Variants in NEBL observed in about 807,000 individuals in gnomAD.
NEBL encodes nebulette.
A neutral mutation model predicts 140.2 loss-of-function variants in NEBL; 122 were observed. The ratio of observed to expected loss-of-function variants is 0.87; its 90% CI spans 0.75 to 1.01. The LOEUF is 1.01. Among genes scored for constraint, NEBL ranks in the 50% least tolerant of loss-of-function variants. The pLI, the probability that NEBL is intolerant of heterozygous loss-of-function variation, is 0.00. For missense variants in NEBL, 1,365 were observed against 1,231.3 expected, an observed-to-expected ratio of 1.11 and a Z score of -1.62; for synonymous variants, 436 against 398.9, an observed-to-expected ratio of 1.09 and a Z score of -1.11.
At chr10:20,857,567 A>T (rs533840408) in intron 9 of NEBL, among the ~76,000 whole-genome samples, 1 of 152,316 alleles carries the variant, frequency 6.6e-6, no homozygotes, top group African/African-American at 2.4e-5. Context: ...AATGGAGCCA[A>T]ATGTGTCTTA....
chr10:21,168,650 T>C (rs1282813915), intron 2 of NEBL, among the ~76,000 whole-genome samples: 5 of 152,174 alleles, frequency 3.3e-5, no homozygotes, highest in African/African-American at 1.2e-4. Flanking sequence ...AAAAGCTCTA[T>C]GATTCTTGAA....
intron 3 of NEBL, among the ~76,000 whole-genome samples, chr10:21,223,904 T>C (rs1680005182): frequency 6.6e-6 from 1 of 152,202 alleles, no homozygotes; most frequent in Non-Finnish European, 1.5e-5. Flanking sequence ...TCCTATTGTT[T>C]TGAGCTCCTT....
At chr10:20,788,010 T>G (rs1435855335) in intron 26 of NEBL, among the ~76,000 whole-genome samples, 2 of 152,172 alleles carry the variant, frequency 1.3e-5, no homozygotes, top group Admixed American at 1.3e-4. Flanking sequence ...TAAAAAAGTA[T>G]CAAAATAGTA....
At chr10:20,957,465 A>G (rs560422267) in intron 4 of NEBL, among the ~76,000 whole-genome samples, 10 of 152,174 alleles carry the variant, frequency 6.6e-5, no homozygotes, top group Non-Finnish European at 1.5e-4. Context: ...AAGTGGTAGC[A>G]AAAAAGGATA....
At chr10:20,876,609 C>T (rs1845525714) in intron 5 of NEBL, among the ~76,000 whole-genome samples, 1 of 152,124 alleles carries the variant, frequency 6.6e-6, no homozygotes, top group Non-Finnish European at 1.5e-5. Context: ...TTTCATTTCC[C>T]ACGCTGAATA....
intron 3 of NEBL, among the ~76,000 whole-genome samples, chr10:21,012,336 T>G (rs937201016): frequency 4.6e-5 from 7 of 151,910 alleles, no homozygotes; most frequent in African/African-American, 1.7e-4. Context: ...GAAAAATGCA[T>G]TGATTGTGTA....
chr10:21,173,674 A>G lies in NEBL; in HGVS notation c.69+91T>C. The stretch of plus-strand genomic sequence containing the variant: ...CACACGCACACGCACCGACCCACTC[A>G]TTGCTTTCCATCCCAGGTGCCAAAA... On this transcript the variant is annotated intron_variant, in intron 1 of 6. Coordinates refer to the NEBL transcript ENST00000417816. The surrounding 1 kb of genome is among the most constrained non-coding windows in gnomAD (Gnocchi z 5.7). 1 of 1,596,486 alleles carries G rather than the reference A, an allele frequency of 6.3e-7. No individual in the cohort carries two copies. Among genetic ancestry groups the G allele is most frequent in the Admixed American group, 1.7e-5 (1 of 59,676 alleles).
chr10:21,272,190 C>A (rs974953160), intron 1 of NEBL, among the ~76,000 whole-genome samples: 1 of 135,752 alleles, frequency 7.4e-6, no homozygotes, highest in Non-Finnish European at 1.5e-5. Flanking sequence ...TGGTCTCGAT[C>A]TCCTGACCTC....
In NEBL at chr10:20,819,429, TC is replaced by T. The variant is rs1564352488; in HGVS notation, c.2049del (p.Ser684ValfsTer3). ...IERVRRNQEQ[L>X]SAVKYKGELQ... ...AGGAAACAGAAACGACTTGCCGCAC[TC>T]AGCTGCTCCTGGTTTCGCCTCACTC... On this transcript the variant is annotated frameshift_variant, in exon 20 of 28. Coordinates refer to ENST00000377122, the MANE Select transcript of NEBL (RefSeq NM_006393.3). LOFTEE classifies it high-confidence loss of function. The T allele has an allele frequency of 6.2e-7, 1 of 1,614,114 alleles. No individual in the cohort carries two copies. Among genetic ancestry groups the T allele is most frequent in the Non-Finnish European group, 8.5e-7 (1 of 1,179,998 alleles).
Position 20,831,568 on chromosome 10 carries a change from C to A in NEBL, c.1465G>T (p.Asp489Tyr), listed in dbSNP as rs1342628481. 3.7e-6 allele frequency: 6 copies of A among 1,605,656 alleles called. No homozygotes were observed. The highest frequency in any genetic ancestry group is 2.2e-5 in the East Asian group (1 of 44,790). ...EIASEKDYKRDLETEIKGKGM... is the reference protein window; with the variant it reads ...EIASEKDYKRYLETEIKGKGM... ...TTCCCTTTAATTTCAGTCTCCAGAT[C>A]TCTTTTATAGTCTTTCTGCAGAAAA... The change falls in exon 15 of 28, where the codon GAT (aspartate) becomes TAT (tyrosine). Residue 489 changes from aspartate to tyrosine, a missense_variant. This residue lies in a region of NEBL where 1,323 missense variants were observed against 1,154.8 expected (regional missense o/e 1.15). Coordinates refer to ENST00000377122, the MANE Select transcript of NEBL (RefSeq NM_006393.3).
At chr10:21,137,835 C>T (rs1455962347) in intron 2 of NEBL, among the ~76,000 whole-genome samples, 1 of 150,938 alleles carries the variant, frequency 6.6e-6, no homozygotes, top group Admixed American at 6.6e-5. Flanking sequence ...CTCAGCTTCT[C>T]GGGAGGCAGA....
rs1455514688 is a variant in NEBL, at chr10:20,783,051, C to T, written c.*2696G>A. On this transcript the variant is annotated 3_prime_UTR_variant, in exon 28 of 28. Coordinates refer to ENST00000377122, the MANE Select transcript of NEBL (RefSeq NM_006393.3). The stretch of plus-strand genomic sequence containing the variant: ...TGCTCTCTGTGCTTGGACATTTACA[C>T]AGTCATCTTTAACTCAATTTTTAAA... 3.9e-5 allele frequency: 6 copies of T among 152,588 alleles called. No individual in the cohort carries two copies. The highest frequency in any genetic ancestry group is 1.4e-4 in the African/African-American group (6 of 41,446). 9.5% of individuals were successfully genotyped at this position (152,588 alleles called of 1,614,324 possible). A position where few individuals can be genotyped will look rare whatever the true frequency, so the allele number is the denominator to read the frequency against.
At chr10:20,898,723 C>T (rs1017970659), upstream of NEBL, among the ~76,000 whole-genome samples, 2 of 152,154 alleles carry the variant, frequency 1.3e-5, no homozygotes, top group Admixed American at 1.3e-4. Context: ...TGCTTAACCT[C>T]GTGTTCCCCT....
chr10:20,896,937 A>T, intron 2 of NEBL, 21 bp downstream of exon 2: 3 of 1,610,824 alleles, frequency 1.9e-6, no homozygotes, highest in Non-Finnish European at 2.5e-6. Flanking sequence ...AAATAAGACA[A>T]AAATTACTCC....
At chr10:20,916,993 T>C (rs1304157338) in intron 4 of NEBL, among the ~76,000 whole-genome samples, 1 of 152,154 alleles carries the variant, frequency 6.6e-6, no homozygotes, top group Admixed American at 6.5e-5. Flanking sequence ...ATATAAAATA[T>C]CCTAGGGAAT....
chr10:21,064,826 T>C (rs1198541995), intron 2 of NEBL, among the ~76,000 whole-genome samples: 1 of 151,942 alleles, frequency 6.6e-6, no homozygotes, highest in African/African-American at 2.4e-5. Flanking sequence ...CTGAGATCTA[T>C]GGTGAGAGGT....
intron 18 of NEBL, among the ~76,000 whole-genome samples, chr10:20,824,687 G>A (rs1255341408): frequency 1.3e-5 from 2 of 152,150 alleles, no homozygotes; most frequent in African/African-American, 2.4e-5. Flanking sequence ...TTTGCTAGAA[G>A]AGGCTGTGGG....
chr10:21,265,347 GA>G, intron 1 of NEBL, among the ~76,000 whole-genome samples: 1 of 152,192 alleles, frequency 6.6e-6, no homozygotes, highest in Non-Finnish European at 1.5e-5. Flanking sequence ...GGGGCAGTGG[GA>G]GGGGGACACC....
chr10:20,814,096 C>T (rs1236451981), intron 22 of NEBL, 53 bp from the exon 23 acceptor site: 3 of 1,107,514 alleles, frequency 2.7e-6, no homozygotes, highest in East Asian at 2.4e-5. Context: ...CATGATGTAA[C>T]ATTTTTAAGC....
Sources: allele counts gnomAD v4.1 joint callset (sites outside exome capture counted in the v4.1 genomes callset), GRCh38; gene constraint gnomAD v4.1.1; regional missense constraint gnomAD v4.1.1; non-coding constraint Gnocchi (gnomAD v3.1); transcripts MANE v1.5; gene names NCBI Gene and HGNC (gene_info 2026-07-23, HGNC 2026-07-21).